PLRG1: variants seen among roughly 807,000 people sequenced by gnomAD.
The protein encoded by PLRG1 is pleiotropic regulator 1, also known as pleiotropic regulator 1 (PRL1 homolog, Arabidopsis).
Under a neutral mutation model 74.9 loss-of-function variants are expected in PLRG1, and 28 were observed. That is an observed-to-expected ratio of 0.37 (90% CI 0.28 to 0.51). The LOEUF (loss-of-function observed/expected upper bound fraction) is 0.51. Ranked by LOEUF, PLRG1 falls within the 20% of genes least tolerant of loss-of-function variation. The pLI, the probability that PLRG1 is intolerant of heterozygous loss-of-function variation, is 0.91. For missense variants in PLRG1, 445 were observed against 631.9 expected (o/e 0.70, Z 3.17); for synonymous variants, 197 against 212.4 (o/e 0.93, Z 0.63).
Position 154,547,038 on chromosome 4 carries a change from C to T in PLRG1, c.286G>A (p.Gly96Ser). Residue 96 changes from glycine to serine, a missense_variant, in exon 4 of 15, where the codon GGT becomes AGT. By Grantham distance (56) the Gly-to-Ser change is moderately conservative. Around this residue, in one of 3 missense-constraint regions of PLRG1, gnomAD observed 206 missense variants for 210.8 expected, o/e 0.98. Coordinates refer to ENST00000499023, the MANE Select transcript of PLRG1 (RefSeq NM_002669.4). ...GGTCCTGGTGGGTATGGATGTGTAC[C>T]TGCCACAAAGTATTCAACTTCTTGT... The part of the protein sequence containing the change: ...QGQEVEYFVA[G>S]THPYPPGPGV... The T allele has an allele frequency of 6.2e-7, 1 of 1,612,276 alleles. No individual in the cohort carries two copies. The highest frequency in any genetic ancestry group is 1.3e-5 in the African/African-American group (1 of 74,944).
At chr4:154,545,132 T>A (rs1256320242) in intron 6 of PLRG1, among the ~76,000 whole-genome samples, 1 of 152,146 alleles carries the variant, frequency 6.6e-6, no homozygotes, top group East Asian at 1.9e-4. Flanking sequence ...GTTCCTGCCC[T>A]CAAGAAGCTT....
Position 154,542,255 on chromosome 4 carries a change from C to T in PLRG1, c.619G>A (p.Val207Ile). The T allele has an allele frequency of 1.9e-6, 3 of 1,612,364 alleles. No homozygotes were observed. Among genetic ancestry groups the T allele is most frequent in the Non-Finnish European group, 2.5e-6 (3 of 1,178,488 alleles). ...CCAGGTTCCACAGCAATACATCGAA[C>T]CCAGCCAAGATGCCCACTGATAACC... ...YRVISGHLGW[V>I]RCIAVEPGNQ... Residue 207 changes from valine to isoleucine, a missense_variant, in exon 8 of 15, where the codon GTT (valine) becomes ATT (isoleucine). Val to Ile is a conservative substitution (Grantham distance 29, BLOSUM62 3). Transcript: ENST00000499023.
rs181745191 is a variant in PLRG1 at position 154,540,018 on chromosome 4, T to C, written c.975A>G (p.Thr325=). The stretch of plus-strand genomic sequence containing the variant: ...CAACTGCATTTGTATGTCCAGATAA[T>C]GTGTGTACACTGGCTTTAGTTCTCA... ...WDVRTKASVH[T]LSGHTNAVAT... The change falls in exon 11 of 15, where the codon ACA becomes ACG. Residue 325 remains threonine, a synonymous_variant. Coordinates refer to ENST00000499023, the MANE Select transcript of PLRG1 (RefSeq NM_002669.4). 1.2e-4 allele frequency: 194 copies of C among 1,602,028 alleles called. No homozygotes were observed. The East Asian group carries it at 4.0e-3, about 33-fold the overall frequency.
Position 154,542,089 on chromosome 4 carries a change from G to A in PLRG1, c.687+98C>T. 4.1e-6 allele frequency: 3 copies of A among 730,822 alleles called. No homozygotes were observed. In the East Asian group the frequency reaches 8.0e-5, roughly 19 times the overall value. The allele number at this position is 730,822 out of a possible 1,614,324, so 45.3% of individuals were successfully genotyped here. ...CCTTATTCAGGTCTAAAATAACAGA[G>A]GAACTGCAATAGCAATTCCTGCCAC... On this transcript the variant is annotated intron_variant, in intron 8 of 14. Transcript: ENST00000499023.
rs762531357 is a variant in PLRG1, at chr4:154,545,873, C to T, written c.455G>A (p.Gly152Glu). The T allele has an allele frequency of 6.2e-7, 1 of 1,612,776 alleles. No homozygotes were observed. ...APSGSEYRHP[G>E]ASDRPQPTAM... ...TGTAGGCTGTGGACGGTCAGAAGCC[C>T]CAGGATGTCGGTATTCACTTCCACT... Residue 152 changes from glycine to glutamate, a missense_variant, in exon 6 of 15, where the codon GGG becomes GAG. Coordinates refer to ENST00000499023, the MANE Select transcript of PLRG1 (RefSeq NM_002669.4).
chr4:154,548,829 C>G lies in PLRG1; in HGVS notation c.116G>C (p.Ser39Thr). Reference protein sequence around the residue: ...NGKPVPLDEESHKRKMAIKLR... With the variant: ...NGKPVPLDEETHKRKMAIKLR... ...ATTGAAAAAAAAAAACTACACCAAC[C>G]TCTCTTCATCTAAAGGCACAGGTTT... The change falls in exon 2 of 15, where the codon AGT becomes ACT. Residue 39 changes from serine to threonine, a missense_variant and splice_region_variant. Physicochemically the swap from Ser to Thr is moderately conservative, Grantham distance 58. Transcript: ENST00000499023. 1 of 1,547,798 alleles carries G rather than the reference C, an allele frequency of 6.5e-7. No homozygotes were observed.
chr4:154,535,892 T>TC lies in PLRG1; in HGVS notation c.*792dup, dbSNP rs70947172. 0.87 allele frequency: 131,815 copies of TC among 152,010 alleles called. 57,269 individuals carry two copies. The highest frequency in any genetic ancestry group is 0.96 in the East Asian group (4,986 of 5,168). 9.4% of individuals were successfully genotyped at this position (152,010 alleles called of 1,614,324 possible). On this transcript the variant is annotated 3_prime_UTR_variant, in exon 15 of 15. Transcript: ENST00000499023. ...TTTCCCCAGAACAAGCCAGCTTTAG[T>TC]CCCATTATTCGACAGTAGCAGAACA...
intron 1 of PLRG1, chr4:154,549,246 A>G (rs72679193): frequency 0.17 from 63,025 of 378,838 alleles, 5,844 homozygotes; most frequent in East Asian, 0.21. Flanking sequence ...AAAGGTGGTC[A>G]TGGTCCCTGT....
At chr4:154,548,797 T>C (rs1442176703) in intron 2 of PLRG1, 32 bp downstream of exon 2, 1 of 1,079,876 alleles carries the variant, frequency 9.3e-7, no homozygotes, top group African/African-American at 1.6e-5. Context: ...TGTTAAGTAT[T>C]TTAGCAATTG....
intron 6 of PLRG1, among the ~76,000 whole-genome samples, chr4:154,544,812 T>G (rs1055702128): frequency 1.3e-5 from 2 of 152,226 alleles, no homozygotes; most frequent in Non-Finnish European, 2.9e-5. Context: ...GTAACAATCA[T>G]GTAACCTCTA....
Position 154,548,817 on chromosome 4 carries a change from AACT to A in PLRG1, c.116+9_116+11del. 6.8e-7 allele frequency: 1 copy of A among 1,464,650 alleles called. No homozygotes were observed. The highest frequency in any genetic ancestry group is 9.5e-7 in the Non-Finnish European group (1 of 1,051,750). 90.7% of individuals were successfully genotyped at this position (1,464,650 alleles called of 1,614,324 possible). ...AGTATTTTAGCAATTGAAAAAAAAAAACTACACCAACCTCTCTTCATCTAAAGG... is the reference window on the plus strand; with the variant it reads ...AGTATTTTAGCAATTGAAAAAAAAAAACACCAACCTCTCTTCATCTAAAGG... On this transcript the variant is annotated intron_variant, in intron 2 of 14. Transcript: ENST00000499023.
intron 12 of PLRG1, 93 bp from the exon 13 acceptor site, chr4:154,538,201 T>A (rs894588339): frequency 3.6e-6 from 2 of 556,766 alleles, no homozygotes; most frequent in Non-Finnish European, 6.2e-6. Flanking sequence ...TATTTTGCAG[T>A]GTGTACTCAA....
rs1271774955 is a variant in PLRG1 at position 154,548,887 on chromosome 4, T to G, written c.58A>C (p.Arg20=). ...TCAGCTACAAACATGTCATGGGTCC[T>G]CTTCAACGACCTGAACACAAGGGTG... The part of the protein sequence containing the change: ...VHTLVFRSLK[R]THDMFVADNG... The change falls in exon 2 of 15, where the codon AGG becomes CGG. Residue 20 remains arginine, a synonymous_variant. Coordinates refer to ENST00000499023, the MANE Select transcript of PLRG1 (RefSeq NM_002669.4). 5 of 1,611,900 alleles carry G rather than the reference T, an allele frequency of 3.1e-6. No individual in the cohort carries two copies. The Admixed American group carries it at 8.3e-5, about 27-fold the overall frequency.
At position 154,547,766 on chromosome 4, in the gene PLRG1, C is replaced by T. The variant is rs201014501; in HGVS notation, c.204G>A (p.Lys68=). ...MPTSKENLKE[K]GPQNATDSYV... ...ATGAATCCGTTGCATTCTGAGGACCCTTCTCTTTAAGATTTTCTTTTGAAG... is the reference window on the plus strand; with the variant it reads ...ATGAATCCGTTGCATTCTGAGGACCTTTCTCTTTAAGATTTTCTTTTGAAG... The change falls in exon 3 of 15, where the codon AAG becomes AAA. Residue 68 remains lysine, a synonymous_variant. Coordinates refer to ENST00000499023, the MANE Select transcript of PLRG1 (RefSeq NM_002669.4). The T allele has an allele frequency of 1.3e-5, 21 of 1,612,960 alleles. No individual in the cohort carries two copies. The East Asian group carries it at 4.5e-4, about 34-fold the overall frequency.
chr4:154,545,213 A>G (rs549997364), intron 6 of PLRG1, among the ~76,000 whole-genome samples: 1 of 152,244 alleles, frequency 6.6e-6, no homozygotes, highest in Admixed American at 6.5e-5. Context: ...AAAGGAGGAA[A>G]GGAGATGTGG....
At position 154,548,836 on chromosome 4, in the gene PLRG1, C is replaced by T; in HGVS notation, c.109G>A (p.Glu37Lys). The T allele has an allele frequency of 1.3e-6, 2 of 1,569,232 alleles. No homozygotes were observed. Among genetic ancestry groups the T allele is most frequent in the East Asian group, 2.2e-5 (1 of 44,574 alleles). The part of the protein sequence containing the change: ...ADNGKPVPLD[E>K]ESHKRKMAIK... The stretch of plus-strand genomic sequence containing the variant: ...AAAAAAAACTACACCAACCTCTCTT[C>T]ATCTAAAGGCACAGGTTTTCCATTA... Residue 37 changes from glutamate to lysine, a missense_variant, in exon 2 of 15, where the codon GAA becomes AAA. Coordinates refer to ENST00000499023, the MANE Select transcript of PLRG1 (RefSeq NM_002669.4).
At chr4:154,545,226 G>C (rs780840795) in intron 6 of PLRG1, among the ~76,000 whole-genome samples, 15 of 152,176 alleles carry the variant, frequency 9.9e-5, no homozygotes, top group African/African-American at 2.2e-4. Context: ...AGATGTGGCA[G>C]TTACACATTC....
rs759135931 is a variant in PLRG1 at position 154,538,103 on chromosome 4, G to A, written c.1157C>T (p.Thr386Ile). ...GTTATCTGGAGAACCAGATGCAAAT[G>A]TGTAACTGAAATAATATTAAAAAGA... ...RAVVLHPRHY[T>I]FASGSPDNIK... The change falls in exon 13 of 15, where the codon ACA (threonine) becomes ATA (isoleucine). Residue 386 changes from threonine to isoleucine, a missense_variant. By Grantham distance (89) the Thr-to-Ile change is moderately conservative. Transcript: ENST00000499023. The A allele has an allele frequency of 4.9e-6, 7 of 1,435,902 alleles. No individual in the cohort carries two copies. The South Asian group carries it at 9.9e-5, about 20-fold the overall frequency. 88.9% of individuals were successfully genotyped at this position (1,435,902 alleles called of 1,614,324 possible). A position where few individuals can be genotyped will look rare whatever the true frequency, so the allele number is the denominator to read the frequency against.
At position 154,546,146 on chromosome 4, in the gene PLRG1, C is replaced by T. The variant is rs1330847647; in HGVS notation, c.381G>A (p.Ala127=). The T allele has an allele frequency of 5.6e-6, 9 of 1,598,502 alleles. No individual in the cohort carries two copies. The highest frequency in any genetic ancestry group is 1.1e-5 in the South Asian group (1 of 90,158). The change falls in exon 5 of 15, where the codon GCG becomes GCA. Residue 127 remains alanine, a synonymous_variant. Transcript: ENST00000499023. ...MPSESAAQSL[A]VALPLQTKAD... ...ACTTGGTCTGCAAAGGTAATGCCAC[C>T]GCTAAGGACTGTGCAGCTGATTCAC...
Sources: allele counts gnomAD v4.1 joint callset (sites outside exome capture counted in the v4.1 genomes callset), GRCh38; gene constraint gnomAD v4.1.1; regional missense constraint gnomAD v4.1.1; transcripts MANE v1.5; gene names NCBI Gene and HGNC (gene_info 2026-07-23, HGNC 2026-07-21).